Variants in DHX32 observed in about 807,000 individuals in gnomAD.
The protein encoded by DHX32 is DEAH-box helicase 32 (putative), also known as putative pre-mRNA-splicing factor ATP-dependent RNA helicase DHX32.
DHX32 carries 51 observed loss-of-function variants against 70.0 expected under a neutral mutation model. The observed-to-expected ratio is 0.73, with a 90% CI of 0.58 to 0.92. The LOEUF is 0.92. DHX32 is among the 40% of genes least tolerant of loss of function. The pLI is 0.00. For missense variants in DHX32, 762 were observed against 891.8 expected (o/e 0.85, Z 1.85); for synonymous variants, 310 against 315.3 (o/e 0.98, Z 0.18).
intron 1 of DHX32, among the ~76,000 whole-genome samples, chr10:125,886,809 T>C (rs1314009582): frequency 1.1e-4 from 16 of 152,248 alleles, no homozygotes; most frequent in African/African-American, 4.8e-5. Context: ...ATTCAGACAA[T>C]GGCATGTATC....
chr10:125,869,302 A>C (rs1311229273), intron 1 of DHX32: 1 of 152,192 alleles, frequency 6.6e-6, no homozygotes, highest in Non-Finnish European at 1.5e-5. Flanking sequence ...TAGGCCAGGC[A>C]TGGTGGCTCA....
At chr10:125,842,257 C>G (rs148228542) in intron 6 of DHX32, 1 of 279,836 alleles carries the variant, frequency 3.6e-6, no homozygotes, top group Non-Finnish European at 6.7e-6. Flanking sequence ...CTAAGGTGGC[C>G]GGAACTCGCG....
At chr10:125,876,273 T>G (rs916146785) in intron 1 of DHX32, among the ~76,000 whole-genome samples, 2 of 152,244 alleles carry the variant, frequency 1.3e-5, no homozygotes, top group Non-Finnish European at 2.9e-5. Context: ...ATTGGAGTAA[T>G]AGTACAACTC....
chr10:125,881,012 C>T lies in DHX32; in HGVS notation c.-188G>A, dbSNP rs558240394. 7.7e-6 allele frequency: 5 copies of T among 650,376 alleles called. No homozygotes were observed. In the East Asian group the frequency reaches 1.4e-4, roughly 18 times the overall value. 40.3% of individuals were successfully genotyped at this position (650,376 alleles called of 1,614,324 possible). A position where few individuals can be genotyped will look rare whatever the true frequency, so the allele number is the denominator to read the frequency against. Reference sequence around the variant, plus strand: ...CATCTGTTCTCCGTTGCTGTGTTACCCACTGTGCTGGCTCACTACAGCACT... The same window carrying T: ...CATCTGTTCTCCGTTGCTGTGTTACTCACTGTGCTGGCTCACTACAGCACT... On this transcript the variant is annotated 5_prime_UTR_variant, in exon 1 of 11. Coordinates refer to ENST00000284690, the MANE Select transcript of DHX32 (RefSeq NM_018180.3).
At chr10:125,844,692 C>A (rs1371055000) in intron 6 of DHX32, among the ~76,000 whole-genome samples, 1 of 152,198 alleles carries the variant, frequency 6.6e-6, no homozygotes, top group African/African-American at 2.4e-5. Context: ...TTCTTTAGGG[C>A]AGTGCTGCTT....
intron 6 of DHX32, among the ~76,000 whole-genome samples, chr10:125,851,978 CTTCT>C: frequency 6.6e-6 from 1 of 150,516 alleles, no homozygotes; most frequent in East Asian, 2.0e-4. Flanking sequence ...GCTGAGAATT[CTTCT>C]TTCTGCTGAT....
chr10:125,868,541 C>T (rs1489474916), intron 1 of DHX32, among the ~76,000 whole-genome samples: 6 of 152,182 alleles, frequency 3.9e-5, no homozygotes, highest in African/African-American at 1.4e-4. Flanking sequence ...GGCAAATGCA[C>T]TTCCTGCACT....
intron 1 of DHX32, among the ~76,000 whole-genome samples, chr10:125,878,827 G>C (rs1228253583): frequency 3.3e-5 from 5 of 151,550 alleles, no homozygotes; most frequent in African/African-American, 1.2e-4. Flanking sequence ...TCCTGCCTCA[G>C]CCTCCCAAGG....
intron 3 of DHX32, among the ~76,000 whole-genome samples, chr10:125,856,606 A>G (rs898881475): frequency 6.6e-6 from 1 of 152,188 alleles, no homozygotes; most frequent in Non-Finnish European, 1.5e-5. Flanking sequence ...CGTTTCACCA[A>G]AATGTTTGAG....
chr10:125,858,565 A>G (rs1031438801), intron 3 of DHX32, among the ~76,000 whole-genome samples: 6 of 152,256 alleles, frequency 3.9e-5, no homozygotes, highest in South Asian at 2.1e-4. Flanking sequence ...TGAGTATAAA[A>G]TAGAATAAAT....
chr10:125,837,999 A>G (rs1246386249), intron 10 of DHX32, among the ~76,000 whole-genome samples: 1 of 152,054 alleles, frequency 6.6e-6, no homozygotes, highest in African/African-American at 2.4e-5. Flanking sequence ...TTATTTCTAC[A>G]CTGTCTTTTC....
Position 125,859,799 on chromosome 10 carries a change from G to A in DHX32, c.653C>T (p.Ser218Leu), listed in dbSNP as rs147041404. The change falls in exon 3 of 11, where the codon TCA becomes TTA. Residue 218 changes from serine (S) to leucine (L), a missense_variant. Around this residue, in one of 3 missense-constraint regions of DHX32, gnomAD observed 394 missense variants for 473.1 expected, o/e 0.83. Transcript: ENST00000284690. The stretch of plus-strand genomic sequence containing the variant: ...ATTGAGTTTGCTGATCAGGTGAGGT[G>A]AGGAGTTAATTATGAGCTTCAGTTC... The part of the protein sequence containing the change: ...RPELKLIINS[S>L]PHLISKLNSY... 6.2e-7 allele frequency: 1 copy of A among 1,614,070 alleles called. No homozygotes were observed. The highest frequency in any genetic ancestry group is 8.5e-7 in the Non-Finnish European group (1 of 1,179,992).
intron 2 of DHX32, among the ~76,000 whole-genome samples, chr10:125,861,324 C>T (rs191237022): frequency 6.6e-6 from 1 of 151,940 alleles, no homozygotes; most frequent in East Asian, 2.0e-4. Context: ...GGTGAAACCC[C>T]GTCTCTACTA....
chr10:125,847,936 C>G (rs1239726822), intron 6 of DHX32, among the ~76,000 whole-genome samples: 1 of 152,172 alleles, frequency 6.6e-6, no homozygotes, highest in Admixed American at 6.5e-5. Context: ...TCGCTTGCCC[C>G]CCACTCACCT....
chr10:125,867,535 G>C (rs1944228299), intron 1 of DHX32, among the ~76,000 whole-genome samples: 1 of 152,118 alleles, frequency 6.6e-6, no homozygotes, highest in Non-Finnish European at 1.5e-5. Flanking sequence ...AGGAGATCGA[G>C]ACCATCCTGG....
rs765989547 is a variant in DHX32, at chr10:125,859,977, TATAA to T, written c.477-6_477-3del. ...TGCAGCATATCATCAGTACAATACCTATAAAGAAGAAACATTAAAGTTAGAATAT... is the reference window on the plus strand; with the variant it reads ...TGCAGCATATCATCAGTACAATACCTAGAAGAAACATTAAAGTTAGAATAT... On this transcript the variant is annotated splice_region_variant and splice_polypyrimidine_tract_variant and intron_variant, in intron 2 of 10. Coordinates refer to ENST00000284690, the MANE Select transcript of DHX32 (RefSeq NM_018180.3). 1 of 1,532,690 alleles carries T rather than the reference TATAA, an allele frequency of 6.5e-7. No homozygotes were observed. The highest frequency in any genetic ancestry group is 8.7e-7 in the Non-Finnish European group (1 of 1,144,740). The allele number at this position is 1,532,690 out of a possible 1,614,324, so 94.9% of individuals were successfully genotyped here.
At position 125,880,592 on chromosome 10, in the gene DHX32, T is replaced by C. The variant is rs760707814; in HGVS notation, c.233A>G (p.Asn78Ser). The C allele has an allele frequency of 4.3e-6, 7 of 1,613,416 alleles. No homozygotes were observed. Among genetic ancestry groups the C allele is most frequent in the Non-Finnish European group, 4.2e-6 (5 of 1,179,574 alleles). The change falls in exon 1 of 11, where the codon AAT becomes AGT. Residue 78 changes from asparagine to serine, a missense_variant. Around this residue, in one of 3 missense-constraint regions of DHX32, gnomAD observed 394 missense variants for 473.1 expected, o/e 0.83. Coordinates refer to ENST00000284690, the MANE Select transcript of DHX32 (RefSeq NM_018180.3). ...KYSFMENLLQ[N>S]QIVIVSGDAK... The stretch of plus-strand genomic sequence containing the variant: ...ATCTCCTGAAACAATCACGATTTGA[T>C]TTTGAAGCAGGTTCTCCATAAAGGA...
chr10:125,885,973 C>A (rs1276746276), upstream of DHX32, among the ~76,000 whole-genome samples: 15 of 152,226 alleles, frequency 9.9e-5, no homozygotes, highest in Non-Finnish European at 1.0e-4. Context: ...TACTTCCCAT[C>A]TCATCTCACT....
At chr10:125,853,096 T>C (rs1171673039) in intron 4 of DHX32, 1 of 1,497,164 alleles carries the variant, frequency 6.7e-7, no homozygotes, top group African/African-American at 1.4e-5. Flanking sequence ...AGAAACTGCG[T>C]ATGGCACTAA....
Sources: allele counts gnomAD v4.1 joint callset (sites outside exome capture counted in the v4.1 genomes callset), GRCh38; gene constraint gnomAD v4.1.1; regional missense constraint gnomAD v4.1.1; transcripts MANE v1.5; gene names NCBI Gene and HGNC (gene_info 2026-07-23, HGNC 2026-07-21).